Variants in IMMP2L observed in about 807,000 individuals in gnomAD.
IMMP2L encodes the protein mitochondrial inner membrane protease subunit 2.
Under a neutral mutation model 19.3 loss-of-function variants are expected in IMMP2L, and 18 were observed. The observed-to-expected ratio is 0.93, with a 90% CI of 0.64 to 1.38. The LOEUF (loss-of-function observed/expected upper bound fraction) is 1.38, where lower values mean the gene tolerates loss of function less well. Among genes scored for constraint, IMMP2L ranks in the 40% most tolerant of loss-of-function variants. The pLI is 0.00. For synonymous variants in IMMP2L, 76 were observed against 73.0 expected (o/e 1.04, Z -0.21); for missense variants, 233 against 218.2 (o/e 1.07, Z -0.43).
intron 5 of IMMP2L, among the ~76,000 whole-genome samples, chr7:110,801,378 G>A (rs866476548): frequency 6.6e-5 from 10 of 152,024 alleles, no homozygotes; most frequent in Admixed American, 5.9e-4. Context: ...ATGCTCTCTA[G>A]ACCTCTGTCT....
rs149928958 is a variant in IMMP2L, at chr7:111,237,329, T to C, written c.239+249909A>G. Among the ~76,000 whole-genome samples the C allele has an allele frequency of 1.2e-4, 18 of 152,248 alleles. No homozygotes were observed. In the East Asian group the frequency reaches 2.5e-3, roughly 21 times the overall value. On this transcript the variant is annotated intron_variant, in intron 3 of 5. Transcript: ENST00000405709. ...TTTGATGTCCTATAAGAATAATTCA[T>C]AAAATTGTGTATTGTGTCCTGTTTT...
chr7:111,016,725 TATAA>T (rs1428406228), intron 3 of IMMP2L, among the ~76,000 whole-genome samples: 22 of 98,100 alleles, frequency 2.2e-4, no homozygotes, highest in East Asian at 1.2e-3. Context: ...TATATTTATA[TATAA>T]AATATATATA....
chr7:111,236,651 T>C (rs1814351772), intron 3 of IMMP2L, among the ~76,000 whole-genome samples: 1 of 152,122 alleles, frequency 6.6e-6, no homozygotes, highest in Admixed American at 6.6e-5. Context: ...TTTCTCTCTG[T>C]GCATCTTCTC....
intron 5 of IMMP2L, among the ~76,000 whole-genome samples, chr7:110,680,247 A>C (rs186539244): frequency 6.6e-6 from 1 of 152,178 alleles, no homozygotes; most frequent in Admixed American, 6.5e-5. Flanking sequence ...ATTTTTCTCA[A>C]CCGTGTTTTT....
intron 3 of IMMP2L, among the ~76,000 whole-genome samples, chr7:111,197,280 G>C (rs1375936448): frequency 6.6e-6 from 1 of 152,052 alleles, no homozygotes; most frequent in African/African-American, 2.4e-5. Context: ...GGCTAACACA[G>C]GTGAAACCCC....
chr7:110,962,909 C>T (rs1819118910), intron 4 of IMMP2L: 1 of 1,375,018 alleles, frequency 7.3e-7, no homozygotes, highest in South Asian at 1.9e-5. Context: ...CACATCATGC[C>T]ACACAGTATT....
chr7:110,751,912 G>C lies in IMMP2L; in HGVS notation c.409-88191C>G, dbSNP rs1461914419. ...TCCCAAAACCTTTAACTTCCGAGTG[G>C]TTCTAGAATTTAGAACCCACAAAAT... On this transcript the variant is annotated intron_variant, in intron 5 of 5. Transcript: ENST00000405709. Among the ~76,000 whole-genome samples, 3 of 151,990 alleles carry C rather than the reference G, an allele frequency of 2.0e-5. No homozygotes were observed. In the East Asian group the frequency reaches 5.8e-4, roughly 29 times the overall value.
intron 5 of IMMP2L, among the ~76,000 whole-genome samples, chr7:110,859,676 G>C (rs1261858073): frequency 6.6e-6 from 1 of 151,548 alleles, no homozygotes; most frequent in East Asian, 1.9e-4. Flanking sequence ...CTGGGTGGCA[G>C]AGGTTGTAGT....
At chr7:111,277,614 G>A (rs536832277) in intron 3 of IMMP2L, among the ~76,000 whole-genome samples, 2 of 150,312 alleles carry the variant, frequency 1.3e-5, no homozygotes, top group South Asian at 4.2e-4. Flanking sequence ...TGGCAAAGAT[G>A]CAGCAGAAAA....
rs1223214870 is a variant in IMMP2L, at chr7:110,760,003, GA to G, written c.409-96283del. 6.6e-5 allele frequency among the ~76,000 whole-genome samples: 10 copies of G among 151,972 alleles called. No individual in the cohort carries two copies. Among genetic ancestry groups the G allele is most frequent in the African/African-American group, 1.9e-4 (8 of 41,416 alleles). On this transcript the variant is annotated intron_variant, in intron 5 of 5. Transcript: ENST00000405709. This position sits in a 1 kb window ranked among gnomAD's most constrained non-coding sequence, Gnocchi z 4.2. The stretch of plus-strand genomic sequence containing the variant: ...AATCTGCTCCAGCACTTTCTGAGGA[GA>G]AAAAAAGCTTCCTTTTCTCCCCACA...
intron 3 of IMMP2L, among the ~76,000 whole-genome samples, chr7:111,191,776 G>A (rs1403381101): frequency 9.9e-5 from 15 of 152,016 alleles, no homozygotes; most frequent in Non-Finnish European, 1.5e-5. Context: ...GGCACTTCAA[G>A]TTTCACATTC....
At chr7:110,929,740 T>C (rs1175210843) in intron 4 of IMMP2L, among the ~76,000 whole-genome samples, 1 of 152,184 alleles carries the variant, frequency 6.6e-6, no homozygotes, top group African/African-American at 2.4e-5. Context: ...TAACTATCCA[T>C]GACTGTCTCA....
intron 5 of IMMP2L, among the ~76,000 whole-genome samples, chr7:110,790,746 C>A (rs573608463): frequency 6.6e-6 from 1 of 151,686 alleles, no homozygotes; most frequent in Non-Finnish European, 1.5e-5. Context: ...GCAAGCAAGT[C>A]CCAGAGCAAT....
chr7:111,081,241 C>T (rs1795864413), intron 3 of IMMP2L, among the ~76,000 whole-genome samples: 1 of 152,072 alleles, frequency 6.6e-6, no homozygotes, highest in Non-Finnish European at 1.5e-5. Flanking sequence ...AAGACAATTA[C>T]ATGAAATATA....
At chr7:111,242,503 T>A (rs775511695) in intron 3 of IMMP2L, among the ~76,000 whole-genome samples, 28 of 152,058 alleles carry the variant, frequency 1.8e-4, no homozygotes, top group Non-Finnish European at 3.5e-4. Context: ...GGAAAGCAGT[T>A]TTTGGAGTGG....
Position 111,061,812 on chromosome 7 carries a change from A to G in IMMP2L, c.240-98247T>C, listed in dbSNP as rs115055023. ...CATTGATTTACATAAAGACCTTTCA[A>G]TGATTTTCCTATGATTCTTCCATTA... On this transcript the variant is annotated intron_variant, in intron 3 of 5. Coordinates refer to ENST00000405709, the MANE Select transcript of IMMP2L (RefSeq NM_032549.4). Among the ~76,000 whole-genome samples the G allele has an allele frequency of 7.5e-3, 1,147 of 152,302 alleles. 14 individuals are homozygous for G. Among genetic ancestry groups the G allele is most frequent in the African/African-American group, 0.025 (1,028 of 41,566 alleles).
chr7:110,759,791 A>G (rs543142166), intron 5 of IMMP2L, among the ~76,000 whole-genome samples: 2 of 152,256 alleles, frequency 1.3e-5, no homozygotes, highest in East Asian at 3.9e-4. Context: ...TATAGCTTCA[A>G]TAATTTCAAA....
chr7:110,778,961 G>T (rs1584800731), intron 5 of IMMP2L, among the ~76,000 whole-genome samples: 1 of 152,050 alleles, frequency 6.6e-6, no homozygotes, highest in East Asian at 1.9e-4. Context: ...GGTGCTCAGT[G>T]TTATACCATT....
chr7:110,781,943 A>G (rs1799774023), intron 5 of IMMP2L, among the ~76,000 whole-genome samples: 1 of 151,914 alleles, frequency 6.6e-6, no homozygotes, highest in African/African-American at 2.4e-5. Flanking sequence ...AAGAAAGAGA[A>G]TGATCACTTT....
Sources: gnomAD v4.1 joint callset for allele counts (sites outside exome capture counted in the v4.1 genomes callset) on GRCh38, gnomAD v4.1.1 for gene constraint, Gnocchi (gnomAD v3.1) non-coding constraint, MANE v1.5 for transcripts, NCBI Gene and HGNC (gene_info 2026-07-23, HGNC 2026-07-21) for gene names.